Variants in DLG2 observed in about 807,000 individuals in gnomAD.
DLG2 encodes the protein discs large MAGUK scaffold protein 2, also known as disks large homolog 2.
A neutral mutation model predicts 132.5 loss-of-function variants in DLG2; 45 were observed. The observed-to-expected ratio is 0.34, with a 90% CI of 0.27 to 0.44. The LOEUF is 0.44. Ranked by LOEUF, DLG2 falls within the 20% of genes least tolerant of loss-of-function variation. DLG2 has a pLI of 1.00. For missense variants in DLG2, 1,045 were observed against 1,196.9 expected, an observed-to-expected ratio of 0.87 and a Z score of 1.87; for synonymous variants, 424 against 419.6, an observed-to-expected ratio of 1.01 and a Z score of -0.13.
intron 7 of DLG2, among the ~76,000 whole-genome samples, chr11:84,380,271 A>AT (rs148499117): frequency 0.21 from 31,591 of 151,814 alleles, 4,415 homozygotes; most frequent in African/African-American, 0.39. Context: ...TCTTGATCTA[A>AT]TTGACATAAA....
chr11:84,658,793 C>T (rs543669774), intron 6 of DLG2, among the ~76,000 whole-genome samples: 56 of 152,284 alleles, frequency 3.7e-4, no homozygotes, highest in Admixed American at 3.1e-3. Context: ...CATGCTGGTG[C>T]CATGTTTGTA....
intron 6 of DLG2, among the ~76,000 whole-genome samples, chr11:84,913,890 A>T (rs1019870307): frequency 6.6e-6 from 1 of 152,214 alleles, no homozygotes; most frequent in South Asian, 2.1e-4. Flanking sequence ...AGTCAACTAA[A>T]CATCCAACAC....
intron 21 of DLG2, among the ~76,000 whole-genome samples, chr11:83,520,661 AG>A (rs1241124913): frequency 1.3e-5 from 2 of 151,334 alleles, no homozygotes; most frequent in Non-Finnish European, 2.9e-5. Context: ...ATAGATAGAT[AG>A]ATAGAAAGAA....
intron 6 of DLG2, among the ~76,000 whole-genome samples, chr11:84,868,703 CT>C (rs1466816112): frequency 6.6e-6 from 1 of 152,122 alleles, no homozygotes; most frequent in Non-Finnish European, 1.5e-5. Context: ...CCGACATAGA[CT>C]CGTAGGATTC....
chr11:84,892,539 A>C (rs2089568757), intron 6 of DLG2, among the ~76,000 whole-genome samples: 1 of 151,974 alleles, frequency 6.6e-6, no homozygotes, highest in African/African-American at 2.4e-5. Context: ...ATGTTTTCTA[A>C]ATTTATGCTT....
At chr11:84,233,179 C>T (rs1187925383) in intron 8 of DLG2, among the ~76,000 whole-genome samples, 1 of 152,076 alleles carries the variant, frequency 6.6e-6, no homozygotes, top group Non-Finnish European at 1.5e-5. Context: ...TAGCCACAAC[C>T]CCTACTACTA....
At chr11:85,001,257 C>CTTATTA (rs146938936) in intron 6 of DLG2, among the ~76,000 whole-genome samples, 2 of 151,686 alleles carry the variant, frequency 1.3e-5, no homozygotes, top group South Asian at 4.2e-4. Flanking sequence ...CCATGCCCAG[C>CTTATTA]TTATTATTAT....
intron 3 of DLG2, among the ~76,000 whole-genome samples, chr11:85,575,372 T>A (rs1185934799): frequency 9.2e-5 from 14 of 151,460 alleles, no homozygotes; most frequent in Admixed American, 9.2e-4. Context: ...CCCATCTCTA[T>A]GAAAAAATTA....
At chr11:85,420,110 G>A (rs981414254) in intron 3 of DLG2, among the ~76,000 whole-genome samples, 1 of 152,190 alleles carries the variant, frequency 6.6e-6, no homozygotes, top group African/African-American at 2.4e-5. Flanking sequence ...TTTGGATGGG[G>A]TTTTCATGTG....
chr11:84,819,738 C>T (rs1038189752), intron 6 of DLG2, among the ~76,000 whole-genome samples: 1 of 151,838 alleles, frequency 6.6e-6, no homozygotes, highest in African/African-American at 2.4e-5. Flanking sequence ...ACTGACAGCA[C>T]ATGCCCAGAT....
intron 18 of DLG2, among the ~76,000 whole-genome samples, chr11:83,636,788 G>A (rs2064975597): frequency 1.3e-5 from 2 of 152,102 alleles, no homozygotes; most frequent in Non-Finnish European, 2.9e-5. Flanking sequence ...CTTTCGAAAT[G>A]TTTTGACTGC....
chr11:84,045,325 TG>T (rs1186411290), intron 11 of DLG2, among the ~76,000 whole-genome samples: 7 of 151,622 alleles, frequency 4.6e-5, no homozygotes. Context: ...GAGGAAAGGG[TG>T]GTGAATATAA....
intron 9 of DLG2, among the ~76,000 whole-genome samples, chr11:84,116,646 A>T (rs2154197214): frequency 6.6e-6 from 1 of 152,330 alleles, no homozygotes; most frequent in East Asian, 1.9e-4. Flanking sequence ...TGTGGGGATT[A>T]TGGTATCTAC....
At chr11:83,582,236 A>G (rs985627347) in intron 19 of DLG2, among the ~76,000 whole-genome samples, 5 of 152,184 alleles carry the variant, frequency 3.3e-5, no homozygotes, top group African/African-American at 7.2e-5. Flanking sequence ...GATTATAGGC[A>G]TGAGCCACCT....
At chr11:83,869,595 A>G (rs1371776098) in intron 16 of DLG2, among the ~76,000 whole-genome samples, 1 of 152,184 alleles carries the variant, frequency 6.6e-6, no homozygotes, top group Non-Finnish European at 1.5e-5. Context: ...AAACCAGTTA[A>G]CTTGAAAGGA....
At chr11:83,843,936 C>A (rs1407784722) in intron 16 of DLG2, among the ~76,000 whole-genome samples, 1 of 152,042 alleles carries the variant, frequency 6.6e-6, no homozygotes, top group Admixed American at 6.6e-5. Context: ...CTTTTAAATG[C>A]TTGGCTAAGC....
chr11:83,925,220 C>A (rs952070895), intron 15 of DLG2, among the ~76,000 whole-genome samples: 2 of 152,060 alleles, frequency 1.3e-5, no homozygotes, highest in East Asian at 3.9e-4. Flanking sequence ...TCACACCGTG[C>A]CCAAATAAAG....
intron 21 of DLG2, among the ~76,000 whole-genome samples, chr11:83,510,057 C>T (rs1385666896): frequency 6.6e-6 from 1 of 152,198 alleles, no homozygotes; most frequent in Non-Finnish European, 1.5e-5. Context: ...GGCCTGGGTC[C>T]TCCTTATCTA....
At chr11:84,761,976 C>A (rs553343668) in intron 6 of DLG2, 1 of 152,150 alleles carries the variant, frequency 6.6e-6, no homozygotes, top group South Asian at 2.1e-4. Context: ...TCTGAGGGCC[C>A]ATCCTATTCT....
Sources: gnomAD v4.1 joint callset for allele counts (sites outside exome capture counted in the v4.1 genomes callset) on GRCh38, gnomAD v4.1.1 for gene constraint, MANE v1.5 for transcripts, NCBI Gene and HGNC (gene_info 2026-07-23, HGNC 2026-07-21) for gene names.